Variants in NLGN1 observed in about 807,000 individuals in gnomAD.
The protein encoded by NLGN1 is neuroligin-1.
Under a neutral mutation model 65.5 loss-of-function variants are expected in NLGN1, and 12 were observed. The observed-to-expected ratio is 0.18, with a 90% CI of 0.12 to 0.30. NLGN1 has a LOEUF of 0.30. NLGN1 is among the 10% of genes least tolerant of loss of function. The pLI is 1.00. For missense variants in NLGN1, 750 were observed against 1,007.1 expected, an observed-to-expected ratio of 0.74 and a Z score of 3.46; for synonymous variants, 350 against 359.5, an observed-to-expected ratio of 0.97 and a Z score of 0.30.
intron 3 of NLGN1, among the ~76,000 whole-genome samples, chr3:173,657,592 T>C (rs149813638): frequency 1.3e-5 from 2 of 151,938 alleles, no homozygotes; most frequent in African/African-American, 4.8e-5. Context: ...AAAATGTGAA[T>C]GCTTTCTCCT....
chr3:173,453,916 C>T (rs574341648), intron 2 of NLGN1, among the ~76,000 whole-genome samples: 1 of 152,278 alleles, frequency 6.6e-6, no homozygotes, highest in African/African-American at 2.4e-5. Context: ...ATTTACTCTG[C>T]CCAGACCCAT....
intron 2 of NLGN1, among the ~76,000 whole-genome samples, chr3:173,462,498 C>G (rs1723574880): frequency 6.6e-6 from 1 of 152,114 alleles, no homozygotes; most frequent in African/African-American, 2.4e-5. Flanking sequence ...TTAAGGCTCT[C>G]TCTCTTTTTG....
intron 4 of NLGN1, among the ~76,000 whole-genome samples, chr3:173,869,425 T>C (rs1481829343): frequency 6.6e-6 from 1 of 152,182 alleles, no homozygotes; most frequent in African/African-American, 2.4e-5. Context: ...TGTATATGCA[T>C]GCAAACTAAT....
intron 3 of NLGN1, among the ~76,000 whole-genome samples, chr3:173,767,334 A>T (rs2150241568): frequency 6.6e-6 from 1 of 152,210 alleles, no homozygotes. Context: ...TTGGTGTCTG[A>T]CCTATGTTAG....
intron 3 of NLGN1, among the ~76,000 whole-genome samples, chr3:173,749,136 A>C (rs745869932): frequency 1.3e-5 from 2 of 152,076 alleles, no homozygotes; most frequent in Non-Finnish European, 2.9e-5. Flanking sequence ...AAGTGTACAA[A>C]CTATCTTGAA....
intron 3 of NLGN1, among the ~76,000 whole-genome samples, chr3:173,694,367 G>A (rs73048368): frequency 0.013 from 1,913 of 152,172 alleles, 44 homozygotes; most frequent in African/African-American, 0.043. Flanking sequence ...GGCCAAGTGC[G>A]GTGTTGAAAG....
chr3:173,758,170 C>T, intron 3 of NLGN1, among the ~76,000 whole-genome samples: 1 of 151,984 alleles, frequency 6.6e-6, no homozygotes, highest in African/African-American at 2.4e-5. Flanking sequence ...TATGTGAGGA[C>T]ACAGGAAGAA....
chr3:173,451,536 G>T (rs538524877), intron 2 of NLGN1, among the ~76,000 whole-genome samples: 1 of 152,174 alleles, frequency 6.6e-6, no homozygotes, highest in Non-Finnish European at 1.5e-5. Flanking sequence ...CAGTCTGCCC[G>T]TTCTCAGATC....
intron 1 of NLGN1, among the ~76,000 whole-genome samples, chr3:173,425,423 A>G (rs1297895082): frequency 6.6e-6 from 1 of 152,034 alleles, no homozygotes; most frequent in African/African-American, 2.4e-5. Flanking sequence ...CATTGTCCAG[A>G]TTAATGTCCT....
chr3:173,642,620 A>G (rs1469060202), intron 3 of NLGN1, among the ~76,000 whole-genome samples: 1 of 152,172 alleles, frequency 6.6e-6, no homozygotes, highest in Non-Finnish European at 1.5e-5. Flanking sequence ...GCCTTGGTGG[A>G]AAGTAATTAA....
chr3:173,558,775 G>A (rs998289571), intron 2 of NLGN1, among the ~76,000 whole-genome samples: 3 of 152,056 alleles, frequency 2.0e-5, no homozygotes, highest in African/African-American at 7.2e-5. Context: ...TTAATTCACT[G>A]CACTTTTAAC....
chr3:174,043,114 C>T (rs981633641), intron 4 of NLGN1, among the ~76,000 whole-genome samples: 4 of 152,184 alleles, frequency 2.6e-5, no homozygotes, highest in Admixed American at 6.5e-5. Flanking sequence ...CACTCACCAT[C>T]ATGAGAACAG....
At chr3:173,923,526 C>T (rs1450646334) in intron 4 of NLGN1, among the ~76,000 whole-genome samples, 1 of 151,978 alleles carries the variant, frequency 6.6e-6, no homozygotes, top group Non-Finnish European at 1.5e-5. Context: ...TTTACTGATC[C>T]TGTGATTTAA....
intron 3 of NLGN1, among the ~76,000 whole-genome samples, chr3:173,761,155 T>A (rs942265457): frequency 3.9e-5 from 6 of 152,070 alleles, no homozygotes; most frequent in Non-Finnish European, 8.8e-5. Flanking sequence ...ACATATAGAC[T>A]GAATATAAGT....
chr3:173,539,513 A>G (rs1341334659), intron 2 of NLGN1, among the ~76,000 whole-genome samples: 1 of 143,158 alleles, frequency 7.0e-6, no homozygotes, highest in Non-Finnish European at 1.5e-5. Context: ...ATATGTATGT[A>G]CATGTATATG....
intron 2 of NLGN1, among the ~76,000 whole-genome samples, chr3:173,600,669 A>G (rs192413141): frequency 5.2e-4 from 71 of 136,980 alleles, no homozygotes; most frequent in African/African-American, 1.8e-3. Context: ...CTGCTCCCAC[A>G]TTCATCATGT....
At chr3:173,483,823 C>T (rs559870256) in intron 2 of NLGN1, among the ~76,000 whole-genome samples, 3 of 152,232 alleles carry the variant, frequency 2.0e-5, no homozygotes, top group East Asian at 3.9e-4. Flanking sequence ...AAAAGCATCA[C>T]ATGTCACTCC....
intron 2 of NLGN1, among the ~76,000 whole-genome samples, chr3:173,560,097 C>G (rs1742445160): frequency 6.6e-6 from 1 of 152,196 alleles, no homozygotes; most frequent in East Asian, 1.9e-4. Flanking sequence ...GCGCCTGCCA[C>G]CACGCCTGGC....
intron 2 of NLGN1, among the ~76,000 whole-genome samples, chr3:173,554,668 T>C (rs947092972): frequency 6.6e-6 from 1 of 152,204 alleles, no homozygotes; most frequent in African/African-American, 2.4e-5. Flanking sequence ...TCAGTTCCCA[T>C]GGTGATGGAC....
Sources: allele counts gnomAD v4.1 joint callset (sites outside exome capture counted in the v4.1 genomes callset), GRCh38; gene constraint gnomAD v4.1.1; transcripts MANE v1.5; gene names NCBI Gene and HGNC (gene_info 2026-07-23, HGNC 2026-07-21).